Variants in ERICH6 observed in about 807,000 individuals in gnomAD.
ERICH6 encodes the protein glutamate rich 6.
A neutral mutation model predicts 71.0 loss-of-function variants in ERICH6; 71 were observed. The ratio of observed to expected loss-of-function variants is 1.00; its 90% CI spans 0.83 to 1.22. The LOEUF (loss-of-function observed/expected upper bound fraction) is 1.22. ERICH6 is among the 50% of genes most tolerant of loss of function. The pLI is 0.00. For synonymous variants in ERICH6, 262 were observed against 278.4 expected (o/e 0.94, Z 0.59); for missense variants, 808 against 797.2 (o/e 1.01, Z -0.16).
chr3:150,691,345 G>A (rs1023418115), intron 3 of ERICH6, among the ~76,000 whole-genome samples: 6 of 152,104 alleles, frequency 3.9e-5, no homozygotes, highest in Non-Finnish European at 8.8e-5. Flanking sequence ...AAAGAAAAGG[G>A]TGTCCTTTTA....
chr3:150,686,210 G>T, intron 4 of ERICH6, 88 bp downstream of exon 4: 1 of 1,467,178 alleles, frequency 6.8e-7, no homozygotes, highest in Non-Finnish European at 9.5e-7. Flanking sequence ...CTTTTTCAAA[G>T]CAGATGGGCT....
intron 12 of ERICH6, among the ~76,000 whole-genome samples, chr3:150,668,204 C>T (rs919785800): frequency 2.0e-5 from 3 of 152,000 alleles, no homozygotes; most frequent in South Asian, 2.1e-4. Flanking sequence ...AGTAAACATT[C>T]TTTGAGTCTA....
chr3:150,702,812 AAG>A (rs1339483637), intron 1 of ERICH6, among the ~76,000 whole-genome samples: 1 of 101,444 alleles, frequency 9.9e-6, no homozygotes, highest in African/African-American at 3.6e-5. Flanking sequence ...TTAAACACAA[AAG>A]AGAGTTGTTT....
rs1168937358 is a variant in ERICH6 at position 150,685,867 on chromosome 3, A to G, written c.667-9T>C. ...ATGAAGTCTTCCTTAAACTAAATTT[A>G]AAAAGAGAAAGGGGTGGTGAGGGGA... On this transcript the variant is annotated splice_polypyrimidine_tract_variant and intron_variant, in intron 5 of 13. Coordinates refer to ENST00000295910, the MANE Select transcript of ERICH6 (RefSeq NM_152394.5). 8.1e-6 allele frequency: 13 copies of G among 1,612,806 alleles called. No individual in the cohort carries two copies. Among genetic ancestry groups the G allele is most frequent in the Non-Finnish European group, 1.1e-5 (13 of 1,179,380 alleles).
At chr3:150,692,811 G>A (rs563225618) in intron 3 of ERICH6, among the ~76,000 whole-genome samples, 7 of 152,162 alleles carry the variant, frequency 4.6e-5, no homozygotes, top group Non-Finnish European at 7.4e-5. Flanking sequence ...TTGTTTTGGT[G>A]CACTTTAGAA....
At chr3:150,668,606 T>C (rs1176852883) in intron 12 of ERICH6, among the ~76,000 whole-genome samples, 1 of 152,220 alleles carries the variant, frequency 6.6e-6, no homozygotes, top group African/African-American at 2.4e-5. Flanking sequence ...TAGCAGTATA[T>C]AAACTTCACC....
At chr3:150,660,688 T>TTC (rs1321470809) in intron 13 of ERICH6, among the ~76,000 whole-genome samples, 1 of 152,242 alleles carries the variant, frequency 6.6e-6, no homozygotes, top group Non-Finnish European at 1.5e-5. Flanking sequence ...CTTTTGACGA[T>TTC]TCAAGGCTGG....
intron 4 of ERICH6, 137 bp from the exon 5 acceptor site, chr3:150,686,158 T>C (rs2108065681): frequency 1.6e-6 from 2 of 1,219,424 alleles, no homozygotes; most frequent in Non-Finnish European, 2.4e-6. Context: ...CCCTGATCCC[T>C]GACGTTTTCG....
At chr3:150,679,035 C>CAAAAAAAAAAAAAAAAAAA (rs1160094551) in intron 9 of ERICH6, among the ~76,000 whole-genome samples, 1 of 65,224 alleles carries the variant, frequency 1.5e-5, no homozygotes, top group African/African-American at 6.1e-5. Flanking sequence ...GACTCTGTCT[C>CAAAAAAAAAAAAAAAAAAA]AAAAAAAAAA....
At position 150,667,012 on chromosome 3, in the gene ERICH6, T is replaced by C; in HGVS notation, c.1503A>G (p.Val501=). 1 of 1,612,084 alleles carries C rather than the reference T, an allele frequency of 6.2e-7. No homozygotes were observed. Among genetic ancestry groups the C allele is most frequent in the Non-Finnish European group, 8.5e-7 (1 of 1,178,968 alleles). ...ATTGACCTCCCAAGATATTGATGTATACCCTGGTCAGGAAGGAAATGTAAA... is the reference window on the plus strand; with the variant it reads ...ATTGACCTCCCAAGATATTGATGTACACCCTGGTCAGGAAGGAAATGTAAA... The part of the protein sequence containing the change: ...SCYHPNGNVW[V]YINILGGQYS... Residue 501 remains valine, a synonymous_variant, in exon 13 of 14, where the codon GTA becomes GTG. Transcript: ENST00000295910.
At chr3:150,671,387 A>G (rs2108046344) in intron 11 of ERICH6, among the ~76,000 whole-genome samples, 1 of 152,302 alleles carries the variant, frequency 6.6e-6, no homozygotes, top group South Asian at 2.1e-4. Flanking sequence ...TGAAAAGCTC[A>G]AAAAGTTTAA....
chr3:150,701,887 T>C (rs1712881536), intron 2 of ERICH6, among the ~76,000 whole-genome samples: 1 of 152,244 alleles, frequency 6.6e-6, no homozygotes, highest in Non-Finnish European at 1.5e-5. Flanking sequence ...TAGTTATTCT[T>C]TCATGTTACA....
chr3:150,702,272 T>G, intron 1 of ERICH6, 94 bp from the exon 2 acceptor site: 1 of 302,042 alleles, frequency 3.3e-6, no homozygotes, highest in South Asian at 7.6e-5. Flanking sequence ...TCTGGAGACT[T>G]TTTTTTTTTT....
intron 3 of ERICH6, among the ~76,000 whole-genome samples, chr3:150,697,697 C>T (rs1237140847): frequency 1.3e-5 from 2 of 152,178 alleles, no homozygotes; most frequent in African/African-American, 2.4e-5. Context: ...ATGTCCCCAA[C>T]TTAACAATGG....
intron 9 of ERICH6, among the ~76,000 whole-genome samples, chr3:150,679,035 CAA>C (rs1160094551): frequency 1.1e-3 from 75 of 65,220 alleles, no homozygotes; most frequent in Admixed American, 3.1e-3. Flanking sequence ...GACTCTGTCT[CAA>C]AAAAAAAAAA....
At chr3:150,676,027 A>T (rs1711640737) in intron 10 of ERICH6, among the ~76,000 whole-genome samples, 1 of 150,548 alleles carries the variant, frequency 6.6e-6, no homozygotes, top group Non-Finnish European at 1.5e-5. Flanking sequence ...TATTACCTCT[A>T]CCTGATTATC....
chr3:150,678,634 C>A (rs913373454), intron 9 of ERICH6, 80 bp from the exon 10 acceptor site: 10 of 1,222,180 alleles, frequency 8.2e-6, no homozygotes, highest in Middle Eastern at 2.8e-4. Flanking sequence ...AAATTTCAAA[C>A]CCCAATATAA....
rs57492414 is a variant in ERICH6, at chr3:150,672,264, C to CATATATATATATATATGTATATATAT, written c.1343+1691_1343+1692insATATATATACATATATATATATATAT. On this transcript the variant is annotated intron_variant, in intron 11 of 13. Coordinates refer to ENST00000295910, the MANE Select transcript of ERICH6 (RefSeq NM_152394.5). ...TAAACAAAGAATCCATTTATATATA[C>CATATATATATATATATGTATATATAT]ATATATATATATATGCTCATACACA... Among the ~76,000 whole-genome samples the CATATATATATATATATGTATATATAT allele has an allele frequency of 1.6e-4, 20 of 123,656 alleles. 1 individual carries two copies. Among genetic ancestry groups the CATATATATATATATATGTATATATAT allele is most frequent in the African/African-American group, 6.4e-4 (20 of 31,064 alleles). 81.1% of individuals were successfully genotyped at this position (123,656 alleles called of 152,430 possible).
At chr3:150,683,342 C>T (rs1169217498) in intron 6 of ERICH6, among the ~76,000 whole-genome samples, 1 of 152,168 alleles carries the variant, frequency 6.6e-6, no homozygotes, top group African/African-American at 2.4e-5. Context: ...TGGAGTAGGA[C>T]AGAAAGAGAG....
Sources: gnomAD v4.1 joint callset for allele counts (sites outside exome capture counted in the v4.1 genomes callset) on GRCh38, gnomAD v4.1.1 for gene constraint, MANE v1.5 for transcripts, NCBI Gene and HGNC (gene_info 2026-07-23, HGNC 2026-07-21) for gene names.